UBXN2A: variants seen among roughly 807,000 people sequenced by gnomAD.
UBXN2A encodes UBX domain protein 2A, also known as UBX domain-containing protein 2A.
A neutral mutation model predicts 28.4 loss-of-function variants in UBXN2A; 28 were observed. The ratio of observed to expected loss-of-function variants is 0.99; its 90% confidence interval spans 0.73 to 1.35. The LOEUF (loss-of-function observed/expected upper bound fraction) is 1.35. UBXN2A is among the 40% of genes most tolerant of loss of function. The probability of loss-of-function intolerance (pLI) is 0.00; values close to 1 mark genes in which losing one functional copy is unlikely to be tolerated. For missense variants in UBXN2A, 253 were observed against 297.9 expected (o/e 0.85, Z 1.11); for synonymous variants, 97 against 103.6 (o/e 0.94, Z 0.39).
In UBXN2A at chr2:23,929,504, G is replaced by A. The variant is rs199664838; in HGVS notation, c.-138+1889G>A. Among the ~76,000 whole-genome samples the A allele has an allele frequency of 3.3e-5, 5 of 151,032 alleles. No individual in the cohort carries two copies. The East Asian group carries it at 9.7e-4, about 29-fold the overall frequency. ...AGGCGGGCGGATCACTTGAGGTCAG[G>A]AGTTCGAGACCAGCCTGACCAACAT... On this transcript the variant is annotated intron_variant, in intron 1 of 7. Transcript: ENST00000404924.
chr2:23,965,981 T>C (rs989165689), intron 2 of UBXN2A, among the ~76,000 whole-genome samples: 2 of 152,160 alleles, frequency 1.3e-5, no homozygotes, highest in Admixed American at 1.3e-4. Flanking sequence ...ATCTAAGTTA[T>C]CAATTTTAGG....
rs542698612 is a variant in UBXN2A at position 23,986,200 on chromosome 2, C to G, written c.584+1369C>G. 2.6e-5 allele frequency among the ~76,000 whole-genome samples: 4 copies of G among 152,026 alleles called. No individual in the cohort carries two copies. The South Asian group carries it at 8.3e-4, about 32-fold the overall frequency. Reference sequence around the variant, plus strand: ...TGGTGGGCGCCTGTAGTCCCAGCTACTCTGGAGGCTGAGGCAGGAGAATGG... The same window carrying G: ...TGGTGGGCGCCTGTAGTCCCAGCTAGTCTGGAGGCTGAGGCAGGAGAATGG... On this transcript the variant is annotated intron_variant, in intron 6 of 6. Coordinates refer to ENST00000309033, the MANE Select transcript of UBXN2A (RefSeq NM_181713.4).
chr2:23,981,184 G>A (rs147467490), intron 4 of UBXN2A, among the ~76,000 whole-genome samples: 61 of 151,702 alleles, frequency 4.0e-4, no homozygotes, highest in African/African-American at 1.3e-3. Context: ...TACAGGCCAG[G>A]TAGGCCAGGT....
chr2:24,004,289 C>T lies in UBXN2A; in HGVS notation c.*4422C>T, dbSNP rs980952155. On this transcript the variant is annotated 3_prime_UTR_variant, in exon 7 of 7. Transcript: ENST00000309033. Reference sequence around the variant, plus strand: ...AAATAATCACCTTAGATGGGGCATACAATTTGACCTAAGCAATTGTTTCAA... The same window carrying T: ...AAATAATCACCTTAGATGGGGCATATAATTTGACCTAAGCAATTGTTTCAA... 6.6e-6 allele frequency: 1 copy of T among 152,130 alleles called. No individual in the cohort carries two copies. The allele number at this position is 152,130 out of a possible 1,614,324, so 9.4% of individuals were successfully genotyped here.
In UBXN2A at chr2:23,982,990, C is replaced by T; in HGVS notation, c.382C>T (p.Pro128Ser). The change falls in exon 5 of 7, where the codon CCT (proline) becomes TCT (serine). Residue 128 changes from proline to serine, a missense_variant. Pro to Ser is a moderately conservative substitution (Grantham distance 74, BLOSUM62 -1). Transcript: ENST00000309033. Reference sequence around the variant, plus strand: ...AAATGAAATATGTTTGTCTACGAAGCCTGTGTTCCAGCCCTTTTCAGGACA... The same window carrying T: ...AAATGAAATATGTTTGTCTACGAAGTCTGTGTTCCAGCCCTTTTCAGGACA... ...KKNEICLSTKPVFQPFSGQGH... is the reference protein window; with the variant it reads ...KKNEICLSTKSVFQPFSGQGH... The T allele has an allele frequency of 6.2e-7, 1 of 1,611,220 alleles. No homozygotes were observed. The highest frequency in any genetic ancestry group is 8.5e-7 in the Non-Finnish European group (1 of 1,178,474).
chr2:23,978,535 T>C (rs1707767118), intron 4 of UBXN2A, among the ~76,000 whole-genome samples: 1 of 152,018 alleles, frequency 6.6e-6, no homozygotes, highest in Admixed American at 6.6e-5. Context: ...TCCCAGCTAC[T>C]TGGGAGGCTG....
intron 1 of UBXN2A, among the ~76,000 whole-genome samples, chr2:23,931,169 T>G (rs1198149048): frequency 6.7e-6 from 1 of 148,494 alleles, no homozygotes; most frequent in Admixed American, 6.7e-5. Flanking sequence ...AAAGGGGGGC[T>G]GGGCTCAGTG....
At chr2:23,962,515 T>C (rs773774751) in intron 2 of UBXN2A, among the ~76,000 whole-genome samples, 55 of 152,116 alleles carry the variant, frequency 3.6e-4, no homozygotes, top group Middle Eastern at 3.4e-3. Context: ...TCATAGCAAC[T>C]GTATTAGTCC....
chr2:23,960,121 TGGCG>T (rs2150838627), intron 2 of UBXN2A, among the ~76,000 whole-genome samples: 1 of 152,054 alleles, frequency 6.6e-6, no homozygotes, highest in Non-Finnish European at 1.5e-5. Flanking sequence ...CTGGGCATGG[TGGCG>T]GGTGCCTGTA....
At chr2:23,993,181 G>A (rs1246236248) in intron 6 of UBXN2A, among the ~76,000 whole-genome samples, 1 of 152,196 alleles carries the variant, frequency 6.6e-6, no homozygotes, top group Non-Finnish European at 1.5e-5. Flanking sequence ...TCCAAATGAA[G>A]AGGAGAGCAA....
At chr2:23,960,255 CA>C (rs557508851) in intron 2 of UBXN2A, among the ~76,000 whole-genome samples, 1 of 146,382 alleles carries the variant, frequency 6.8e-6, no homozygotes. Context: ...GACTCTGTCT[CA>C]AAAAAAAACA....
At chr2:23,993,217 G>A (rs1408098916) in intron 6 of UBXN2A, among the ~76,000 whole-genome samples, 1 of 152,148 alleles carries the variant, frequency 6.6e-6, no homozygotes, top group Non-Finnish European at 1.5e-5. Context: ...ATGGGAATGG[G>A]GATTTGTTAT....
chr2:23,938,395 G>A (rs1705598214), upstream of UBXN2A, among the ~76,000 whole-genome samples: 1 of 152,032 alleles, frequency 6.6e-6, no homozygotes, highest in Non-Finnish European at 1.5e-5. Flanking sequence ...GAACCTGGGA[G>A]GCGGAGGTTA....
intron 1 of UBXN2A, among the ~76,000 whole-genome samples, chr2:23,950,250 A>G (rs1404576179): frequency 6.6e-6 from 1 of 152,164 alleles, no homozygotes; most frequent in African/African-American, 2.4e-5. Context: ...GTGGAAATGG[A>G]TCTTGAGCTG....
At chr2:23,935,944 A>G (rs1705512575), upstream of UBXN2A, among the ~76,000 whole-genome samples, 1 of 152,088 alleles carries the variant, frequency 6.6e-6, no homozygotes, top group South Asian at 2.1e-4. Context: ...CCAGCCAGTC[A>G]GAAAAGCTGA....
upstream of UBXN2A, among the ~76,000 whole-genome samples, chr2:23,939,143 G>C (rs916854717): frequency 6.6e-6 from 1 of 152,104 alleles, no homozygotes; most frequent in African/African-American, 2.4e-5. Context: ...ATTCGGAAAG[G>C]ATTATTGCAA....
rs1708764075 is a variant in UBXN2A at position 24,004,366 on chromosome 2, C to T, written c.*4499C>T. 2 of 152,112 alleles carry T rather than the reference C, an allele frequency of 1.3e-5. No homozygotes were observed. Among genetic ancestry groups the T allele is most frequent in the African/African-American group, 4.8e-5 (2 of 41,436 alleles). 9.4% of individuals were successfully genotyped at this position (152,112 alleles called of 1,614,324 possible). A position where few individuals can be genotyped will look rare whatever the true frequency, so the allele number is the denominator to read the frequency against. On this transcript the variant is annotated 3_prime_UTR_variant, in exon 7 of 7. Coordinates refer to ENST00000309033, the MANE Select transcript of UBXN2A (RefSeq NM_181713.4). ...TTGTTAGGGCTGATATATAGAAATACATATCTAGGCCAGGCACGGTGACTC... is the reference window on the plus strand; with the variant it reads ...TTGTTAGGGCTGATATATAGAAATATATATCTAGGCCAGGCACGGTGACTC...
intron 2 of UBXN2A, among the ~76,000 whole-genome samples, chr2:23,965,389 T>C (rs1707121655): frequency 6.6e-6 from 1 of 152,218 alleles, no homozygotes; most frequent in South Asian, 2.1e-4. Flanking sequence ...GAAAGTTCCC[T>C]TTCTCTTCCT....
intron 1 of UBXN2A, among the ~76,000 whole-genome samples, chr2:23,935,216 C>T (rs1705488492): frequency 6.6e-6 from 1 of 152,046 alleles, no homozygotes; most frequent in Admixed American, 6.6e-5. Flanking sequence ...ACAGGCAAAA[C>T]AAGAATAAAT....
Sources: allele counts gnomAD v4.1 joint callset (sites outside exome capture counted in the v4.1 genomes callset), GRCh38; gene constraint gnomAD v4.1.1; transcripts MANE v1.5; gene names NCBI Gene and HGNC (gene_info 2026-07-23, HGNC 2026-07-21).